Variants in CNTNAP5 observed in about 807,000 individuals in gnomAD.
CNTNAP5 encodes the protein contactin-associated protein-like 5.
In CNTNAP5, 72 loss-of-function variants were observed where a neutral mutation model predicts 150.2. The observed-to-expected ratio is 0.48, with a 90% CI of 0.40 to 0.58. The LOEUF is 0.58. Among genes scored for constraint, CNTNAP5 ranks in the 20% least tolerant of loss-of-function variants. The probability of loss-of-function intolerance (pLI) is 0.00; values close to 1 mark genes in which losing one functional copy is unlikely to be tolerated. For missense variants in CNTNAP5, 1,636 were observed against 1,626.2 expected (o/e 1.01, Z -0.10); for synonymous variants, 672 against 619.8 (o/e 1.08, Z -1.25).
intron 13 of CNTNAP5, among the ~76,000 whole-genome samples, chr2:124,715,300 G>GA (rs1679920000): frequency 6.6e-6 from 1 of 152,254 alleles, no homozygotes; most frequent in African/African-American, 2.4e-5. Flanking sequence ...TTGTTACTTA[G>GA]AAAACCCATT....
intron 11 of CNTNAP5, among the ~76,000 whole-genome samples, chr2:124,591,921 G>T (rs1696692823): frequency 6.6e-6 from 1 of 151,866 alleles, no homozygotes. Flanking sequence ...TCTTAAAAAA[G>T]ATAAGCAAAT....
intron 1 of CNTNAP5, among the ~76,000 whole-genome samples, chr2:124,170,612 G>A (rs1015430227): frequency 6.6e-6 from 1 of 152,178 alleles, no homozygotes. Flanking sequence ...AGCTACCACG[G>A]TGGTGAGGTG....
chr2:124,539,628 A>G (rs950135862), intron 10 of CNTNAP5, among the ~76,000 whole-genome samples: 1 of 152,174 alleles, frequency 6.6e-6, no homozygotes, highest in Non-Finnish European at 1.5e-5. Flanking sequence ...AAGCAAGGCG[A>G]TATTATTCCC....
At chr2:124,717,337 T>C (rs1558748726) in intron 13 of CNTNAP5, among the ~76,000 whole-genome samples, 1 of 152,178 alleles carries the variant, frequency 6.6e-6, no homozygotes, top group African/African-American at 2.4e-5. Context: ...TTTGTATCAG[T>C]TTAATGTTCA....
intron 19 of CNTNAP5, among the ~76,000 whole-genome samples, chr2:124,818,932 G>A (rs78659383): frequency 0.012 from 1,863 of 152,146 alleles, 41 homozygotes; most frequent in African/African-American, 0.042. Flanking sequence ...ACTGTTTTGG[G>A]TTTTACACTA....
At chr2:124,863,231 G>C (rs887114866) in intron 19 of CNTNAP5, among the ~76,000 whole-genome samples, 2 of 152,122 alleles carry the variant, frequency 1.3e-5, no homozygotes, top group East Asian at 3.9e-4. Flanking sequence ...TATTTTATGA[G>C]GTTGAATTAA....
intron 1 of CNTNAP5, among the ~76,000 whole-genome samples, chr2:124,163,043 G>T (rs1180342296): frequency 6.6e-6 from 1 of 152,028 alleles, no homozygotes; most frequent in African/African-American, 2.4e-5. Context: ...TATGTAACTG[G>T]TACATTCTTG....
In CNTNAP5 at chr2:124,918,689, A is replaced by G. The variant is rs1370915661; in HGVS notation, c.*4401A>G. ...CCTCATTGCAGCTGTAGCCTACCAA[A>G]AGGCCTTTGGGATACCTGTATGGTT... is the stretch of plus-strand genomic sequence containing the variant. On this transcript the variant is annotated 3_prime_UTR_variant, in exon 24 of 24. Coordinates refer to ENST00000682447, the MANE Select transcript of CNTNAP5 (RefSeq NM_001367498.1). Among the ~76,000 whole-genome samples, 1 of 152,042 alleles carries G rather than the reference A, an allele frequency of 6.6e-6. No individual in the cohort carries two copies. The highest frequency in any genetic ancestry group is 2.4e-5 in the African/African-American group (1 of 41,418).
chr2:124,555,723 GA>G (rs1695738000), intron 10 of CNTNAP5, among the ~76,000 whole-genome samples: 2 of 152,180 alleles, frequency 1.3e-5, no homozygotes, highest in Non-Finnish European at 2.9e-5. Flanking sequence ...TCAGGACACA[GA>G]AAAACTCTGT....
chr2:124,111,863 T>G, intron 1 of CNTNAP5, among the ~76,000 whole-genome samples: 1 of 152,300 alleles, frequency 6.6e-6, no homozygotes, highest in South Asian at 2.1e-4. Flanking sequence ...TCTATTCAGG[T>G]TTTTTTAAGA....
Position 124,221,800 on chromosome 2 carries a change from T to G in CNTNAP5, c.178T>G (p.Trp60Gly). The G allele has an allele frequency of 6.2e-7, 1 of 1,601,840 alleles. No homozygotes were observed. The highest frequency in any genetic ancestry group is 8.5e-7 in the Non-Finnish European group (1 of 1,171,724). Reference protein sequence around the residue: ...TGTHSPAQLNWRVGTGGWSPA... With the variant: ...TGTHSPAQLNGRVGTGGWSPA... The stretch of plus-strand genomic sequence containing the variant: ...CACTCACAGCCCAGCTCAACTCAAC[T>G]GGAGAGTTGGTAAGTAGGCTGACTG... Residue 60 changes from tryptophan (W) to glycine (G), a missense_variant, in exon 2 of 24, where the codon TGG (tryptophan) becomes GGG (glycine). Physicochemically the swap from Trp to Gly is radical, Grantham distance 184. Transcript: ENST00000682447.
intron 8 of CNTNAP5, among the ~76,000 whole-genome samples, chr2:124,507,104 G>T (rs1241409094): frequency 6.6e-6 from 1 of 152,132 alleles, no homozygotes; most frequent in Non-Finnish European, 1.5e-5. Context: ...AATGGCAGAT[G>T]GTTGATGCTT....
chr2:124,376,682 T>C (rs1450652135), intron 3 of CNTNAP5, among the ~76,000 whole-genome samples: 1 of 152,124 alleles, frequency 6.6e-6, no homozygotes, highest in African/African-American at 2.4e-5. Flanking sequence ...TGCCATTCCA[T>C]GCTAATATCC....
intron 21 of CNTNAP5, among the ~76,000 whole-genome samples, chr2:124,887,201 C>A (rs1202959267): frequency 1.3e-5 from 2 of 152,050 alleles, no homozygotes; most frequent in East Asian, 3.9e-4. Context: ...TCAACCTGCC[C>A]CTCCTAAAGT....
At chr2:124,783,752 C>A (rs1407766097) in intron 17 of CNTNAP5, among the ~76,000 whole-genome samples, 2 of 152,056 alleles carry the variant, frequency 1.3e-5, no homozygotes, top group Non-Finnish European at 2.9e-5. Flanking sequence ...TAAATAAATT[C>A]TTCGTTCTGA....
chr2:124,693,082 A>G (rs1349076788), intron 13 of CNTNAP5, among the ~76,000 whole-genome samples: 1 of 152,108 alleles, frequency 6.6e-6, no homozygotes, highest in Non-Finnish European at 1.5e-5. Context: ...ATGGCTTGGT[A>G]GCAAGAGTGT....
At chr2:124,200,001 G>A (rs1032899242) in intron 1 of CNTNAP5, among the ~76,000 whole-genome samples, 4 of 152,152 alleles carry the variant, frequency 2.6e-5, no homozygotes, top group South Asian at 2.1e-4. Flanking sequence ...GACCTCATTT[G>A]CAATGTCAAG....
Position 124,672,608 on chromosome 2 carries a change from A to G in CNTNAP5, c.2077+24650A>G, listed in dbSNP as rs1253917316. On this transcript the variant is annotated intron_variant, in intron 13 of 23. Transcript: ENST00000682447. ...CATTTCTTAGGGCACAGCTAAGGCA[A>G]GGAGTTTAATGAGAGATGTTAACTT... Among the ~76,000 whole-genome samples, 12 of 152,332 alleles carry G rather than the reference A, an allele frequency of 7.9e-5. No individual in the cohort carries two copies. The East Asian group carries it at 2.3e-3, about 29-fold the overall frequency.
chr2:124,317,542 G>A (rs2104664979), intron 3 of CNTNAP5, among the ~76,000 whole-genome samples: 1 of 152,134 alleles, frequency 6.6e-6, no homozygotes, highest in South Asian at 2.1e-4. Flanking sequence ...TTCTCAAAGG[G>A]CATTTAGAAC....
Sources: gnomAD v4.1 joint callset for allele counts (sites outside exome capture counted in the v4.1 genomes callset) on GRCh38, gnomAD v4.1.1 for gene constraint, MANE v1.5 for transcripts, NCBI Gene and HGNC (gene_info 2026-07-23, HGNC 2026-07-21) for gene names.